EYS: variants seen among roughly 807,000 people sequenced by gnomAD.
EYS encodes the protein protein eyes shut homolog.
Under a neutral mutation model 282.1 loss-of-function variants are expected in EYS, and 250 were observed. That is an observed-to-expected ratio of 0.89 (90% CI 0.80 to 0.98). The LOEUF is 0.98. Ranked by LOEUF, EYS falls within the 50% of genes least tolerant of loss-of-function variation. The pLI, the probability that EYS is intolerant of heterozygous loss-of-function variation, is 0.00. For synonymous variants in EYS, 1,355 were observed against 1,282.9 expected, an observed-to-expected ratio of 1.06 and a Z score of -1.20; for missense variants, 4,016 against 3,709.0, an observed-to-expected ratio of 1.08 and a Z score of -2.15.
chr6:64,771,924 A>C lies in EYS; in HGVS notation c.3443+41454T>G, dbSNP rs569989452. Among the ~76,000 whole-genome samples the C allele has an allele frequency of 4.0e-5, 6 of 151,866 alleles. No individual in the cohort carries two copies. The East Asian group carries it at 1.2e-3, about 29-fold the overall frequency. On this transcript the variant is annotated intron_variant, in intron 22 of 42. Transcript: ENST00000503581. Reference sequence around the variant, plus strand: ...TGTTTTTAATCTATCTTTTGTATTCAGAGAGAAGTTCCTATTTGATTGTAT... The same window carrying C: ...TGTTTTTAATCTATCTTTTGTATTCCGAGAGAAGTTCCTATTTGATTGTAT...
chr6:64,006,733 T>C (rs1027036769), intron 33 of EYS, among the ~76,000 whole-genome samples: 25 of 152,210 alleles, frequency 1.6e-4, no homozygotes, highest in Admixed American at 4.6e-4. Flanking sequence ...CGAAAGCCTT[T>C]TCTGCATCTA....
At chr6:65,183,015 T>A (rs1395737509) in intron 12 of EYS, among the ~76,000 whole-genome samples, 1 of 151,938 alleles carries the variant, frequency 6.6e-6, no homozygotes, top group African/African-American at 2.4e-5. Flanking sequence ...GGTCTCAAAC[T>A]CCTGAGCTCA....
intron 35 of EYS, among the ~76,000 whole-genome samples, chr6:63,979,370 A>C (rs1262006717): frequency 1.3e-5 from 2 of 151,962 alleles, no homozygotes; most frequent in African/African-American, 4.8e-5. Flanking sequence ...AATGATGAAT[A>C]AAAGCTATGA....
intron 15 of EYS, among the ~76,000 whole-genome samples, chr6:64,926,177 C>G (rs548753025): frequency 3.7e-4 from 56 of 152,190 alleles, no homozygotes; most frequent in Non-Finnish European, 6.2e-4. Flanking sequence ...ACCACACCCA[C>G]TCATGTCCTC....
Position 65,696,185 on chromosome 6 carries a change from A to G in EYS, c.-448+10950T>C, listed in dbSNP as rs1033345573. ...TCAAAACGACTGATCTTGGTTCCTGAGCCAGTATGCCTGTTCTGATTAAAC... is the reference window on the plus strand; with the variant it reads ...TCAAAACGACTGATCTTGGTTCCTGGGCCAGTATGCCTGTTCTGATTAAAC... On this transcript the variant is annotated intron_variant, in intron 1 of 42. Transcript: ENST00000503581. Among the ~76,000 whole-genome samples, 10 of 152,016 alleles carry G rather than the reference A, an allele frequency of 6.6e-5. No homozygotes were observed. In the South Asian group the frequency reaches 2.1e-3, roughly 31 times the overall value.
chr6:65,633,010 A>C, intron 2 of EYS, among the ~76,000 whole-genome samples: 1 of 152,206 alleles, frequency 6.6e-6, no homozygotes, highest in East Asian at 1.9e-4. Flanking sequence ...GTCTATCTAC[A>C]GAAATTTATT....
chr6:64,095,751 T>G (rs1381314193), intron 31 of EYS, among the ~76,000 whole-genome samples: 1 of 152,338 alleles, frequency 6.6e-6, no homozygotes. Context: ...TTAGCCTATT[T>G]ACATTTAAGG....
At chr6:64,137,599 C>T (rs1774203880) in intron 31 of EYS, among the ~76,000 whole-genome samples, 1 of 151,878 alleles carries the variant, frequency 6.6e-6, no homozygotes, top group African/African-American at 2.4e-5. Context: ...CATTGTGTCT[C>T]AGGAAATAGG....
intron 1 of EYS, among the ~76,000 whole-genome samples, chr6:65,671,960 C>T (rs1768403731): frequency 6.6e-6 from 1 of 152,086 alleles, no homozygotes; most frequent in South Asian, 2.1e-4. Context: ...ACAGAGGCAG[C>T]CCTTTGAACT....
chr6:65,517,872 A>G (rs1431463707), intron 2 of EYS, among the ~76,000 whole-genome samples: 1 of 152,006 alleles, frequency 6.6e-6, no homozygotes, highest in Admixed American at 6.6e-5. Context: ...TAAAAATTCA[A>G]CTCCAAACAC....
At chr6:65,041,186 G>A (rs1333814055) in intron 13 of EYS, among the ~76,000 whole-genome samples, 3 of 151,604 alleles carry the variant, frequency 2.0e-5, no homozygotes, top group Non-Finnish European at 4.4e-5. Context: ...TCTTAAAAAA[G>A]GAGAGAAGAA....
chr6:64,487,715 T>C (rs1182357190), intron 26 of EYS, among the ~76,000 whole-genome samples: 2 of 151,052 alleles, frequency 1.3e-5, no homozygotes, highest in African/African-American at 2.4e-5. Flanking sequence ...TTTACATATG[T>C]TATTTTTTAA....
At chr6:65,484,298 T>C (rs1031157355) in intron 5 of EYS, among the ~76,000 whole-genome samples, 1 of 152,230 alleles carries the variant, frequency 6.6e-6, no homozygotes, top group African/African-American at 2.4e-5. Flanking sequence ...CTGGATGTTT[T>C]AACCAAGTAC....
intron 14 of EYS, among the ~76,000 whole-genome samples, chr6:64,984,275 C>T (rs1370328015): frequency 6.6e-6 from 1 of 151,260 alleles, no homozygotes; most frequent in Non-Finnish European, 1.5e-5. Flanking sequence ...ACTGATTCTC[C>T]CATTGGATGG....
chr6:64,516,802 T>C (rs1204920417), intron 26 of EYS, among the ~76,000 whole-genome samples: 1 of 151,862 alleles, frequency 6.6e-6, no homozygotes, highest in African/African-American at 2.4e-5. Flanking sequence ...TCATTAATTT[T>C]ATATTTTACT....
chr6:64,114,476 G>A (rs1773310681), intron 31 of EYS, among the ~76,000 whole-genome samples: 1 of 152,104 alleles, frequency 6.6e-6, no homozygotes, highest in Non-Finnish European at 1.5e-5. Context: ...GAGCTCAGGA[G>A]TCTCATCAAG....
At chr6:64,930,276 A>T (rs1768669958) in intron 15 of EYS, among the ~76,000 whole-genome samples, 1 of 152,110 alleles carries the variant, frequency 6.6e-6, no homozygotes, top group South Asian at 2.1e-4. Flanking sequence ...GTGTAGCTAT[A>T]CCATAAGAGG....
At chr6:64,785,175 T>C (rs903875552) in intron 22 of EYS, among the ~76,000 whole-genome samples, 3 of 152,236 alleles carry the variant, frequency 2.0e-5, no homozygotes, top group Non-Finnish European at 4.4e-5. Context: ...ACTACTTCAG[T>C]TGCCAGCGTT....
intron 22 of EYS, among the ~76,000 whole-genome samples, chr6:64,652,623 A>G (rs754975307): frequency 1.3e-5 from 2 of 152,228 alleles, no homozygotes; most frequent in African/African-American, 2.4e-5. Context: ...CTTCTAGTCT[A>G]CAAAAACTGT....
Sources: gnomAD v4.1 joint callset for allele counts (sites outside exome capture counted in the v4.1 genomes callset) on GRCh38, gnomAD v4.1.1 for gene constraint, MANE v1.5 for transcripts, NCBI Gene and HGNC (gene_info 2026-07-23, HGNC 2026-07-21) for gene names.